IFT80: variants seen among roughly 807,000 people sequenced by gnomAD.
The protein encoded by IFT80 is intraflagellar transport protein 80 homolog.
A neutral mutation model predicts 107.9 loss-of-function variants in IFT80; 79 were observed. The observed-to-expected ratio is 0.73, with a 90% confidence interval of 0.61 to 0.88. The LOEUF is 0.88. IFT80 is among the 40% of genes least tolerant of loss of function. The pLI is 0.00. For synonymous variants in IFT80, 299 were observed against 300.9 expected (o/e 0.99, Z 0.07); for missense variants, 797 against 914.2 (o/e 0.87, Z 1.65).
chr3:160,260,821 C>T (rs1418567415), intron 19 of IFT80, among the ~76,000 whole-genome samples: 1 of 152,184 alleles, frequency 6.6e-6, no homozygotes, highest in Admixed American at 6.5e-5. Flanking sequence ...CAAAATCATA[C>T]CAAAAGGCTC....
intron 1 of IFT80, among the ~76,000 whole-genome samples, chr3:160,394,552 A>T (rs1417109487): frequency 1.3e-5 from 2 of 152,158 alleles, no homozygotes; most frequent in Admixed American, 6.5e-5. Flanking sequence ...GCTATGATTA[A>T]TAGCCATACT....
Position 160,356,132 on chromosome 3 carries a change from G to A in IFT80, c.658C>T (p.Arg220Cys), listed in dbSNP as rs373133351. 9.9e-6 allele frequency: 16 copies of A among 1,613,798 alleles called. No individual in the cohort carries two copies. The highest frequency in any genetic ancestry group is 6.6e-5 in the South Asian group (6 of 91,066). Residue 220 changes from arginine (R) to cysteine (C), a missense_variant, in exon 8 of 20, where the codon CGC (arginine) becomes TGC (cysteine). Transcript: ENST00000326448. ...TGAGGTTGTGAATTGTACAGTGGGC[G>A]GCCGTAACTATCCCATACCTACAAA... The part of the protein sequence containing the change: ...CKYKVWDSYG[R>C]PLYNSQPHEH...
intron 8 of IFT80, among the ~76,000 whole-genome samples, chr3:160,339,849 C>G (rs1719760239): frequency 6.6e-6 from 1 of 152,184 alleles, no homozygotes; most frequent in Admixed American, 6.5e-5. Context: ...CAATCAATTG[C>G]TGTTAGCTTT....
intron 4 of IFT80, among the ~76,000 whole-genome samples, chr3:160,376,367 T>C (rs1269228216): frequency 6.6e-6 from 1 of 152,214 alleles, no homozygotes; most frequent in Non-Finnish European, 1.5e-5. Flanking sequence ...GAGAGCTGTT[T>C]GTTAAGAGAG....
intron 1 of IFT80, among the ~76,000 whole-genome samples, chr3:160,395,781 C>T (rs1212159884): frequency 6.6e-6 from 1 of 152,194 alleles, no homozygotes; most frequent in East Asian, 1.9e-4. Flanking sequence ...TTGTCTGAAC[C>T]CTTAATCCAG....
At chr3:160,345,468 C>T (rs1720221230) in intron 8 of IFT80, among the ~76,000 whole-genome samples, 1 of 151,970 alleles carries the variant, frequency 6.6e-6, no homozygotes, top group East Asian at 1.9e-4. Context: ...GGGTGGATCG[C>T]TTAAGGTCAA....
intron 3 of IFT80, among the ~76,000 whole-genome samples, chr3:160,378,786 CA>C (rs1328788278): frequency 6.6e-6 from 1 of 151,586 alleles, no homozygotes; most frequent in Admixed American, 6.6e-5. Flanking sequence ...AATCTGACCC[CA>C]AAAAAACAAA....
At chr3:160,361,063 A>G (rs942507543) in intron 6 of IFT80, among the ~76,000 whole-genome samples, 9 of 152,366 alleles carry the variant, frequency 5.9e-5, no homozygotes, top group African/African-American at 1.7e-4. Flanking sequence ...AAATGCCCCA[A>G]TTAAAAGACA....
intron 8 of IFT80, among the ~76,000 whole-genome samples, chr3:160,326,549 C>A (rs1402644145): frequency 6.6e-6 from 1 of 152,074 alleles, no homozygotes; most frequent in African/African-American, 2.4e-5. Context: ...TGATTCATTA[C>A]ATAAACAGAA....
chr3:160,303,122 A>G (rs1716563405), intron 11 of IFT80, among the ~76,000 whole-genome samples: 1 of 152,204 alleles, frequency 6.6e-6, no homozygotes, highest in Non-Finnish European at 1.5e-5. Context: ...AGTTGCCTAC[A>G]TGATGAGGAA....
At chr3:160,328,996 G>A (rs1576818128) in intron 8 of IFT80, among the ~76,000 whole-genome samples, 1 of 152,186 alleles carries the variant, frequency 6.6e-6, no homozygotes, top group Admixed American at 6.5e-5. Flanking sequence ...CCTACTGGAG[G>A]GTGGAGGGTG....
At chr3:160,266,013 G>A (rs1170428616) in intron 19 of IFT80, among the ~76,000 whole-genome samples, 3 of 151,922 alleles carry the variant, frequency 2.0e-5, no homozygotes, top group Non-Finnish European at 4.4e-5. Flanking sequence ...TTATTTCATT[G>A]GTGGGAAATT....
intron 14 of IFT80, among the ~76,000 whole-genome samples, chr3:160,281,387 T>A (rs896830573): frequency 6.6e-6 from 1 of 152,060 alleles, no homozygotes; most frequent in African/African-American, 2.4e-5. Flanking sequence ...ATTTTCCCCA[T>A]AGAATTGGGG....
intron 12 of IFT80, among the ~76,000 whole-genome samples, chr3:160,292,826 C>T (rs967444962): frequency 6.6e-6 from 1 of 152,096 alleles, no homozygotes; most frequent in African/African-American, 2.4e-5. Context: ...CTTATATCAC[C>T]TTCTCCTACC....
intron 8 of IFT80, among the ~76,000 whole-genome samples, chr3:160,326,383 T>C (rs1718677684): frequency 6.6e-6 from 1 of 152,066 alleles, no homozygotes; most frequent in South Asian, 2.1e-4. Context: ...AAAAGAAAAC[T>C]TCAGGCCAAT....
rs1043268660 is a variant in IFT80, at chr3:160,381,583, A to G, written c.179T>C (p.Ile60Thr). The change falls in exon 3 of 20, where the codon ATT becomes ACT. Residue 60 changes from isoleucine to threonine, a missense_variant. Coordinates refer to ENST00000326448, the MANE Select transcript of IFT80 (RefSeq NM_020800.3). ...ACTTTTTGGAAACCAGTGAAAATCA[A>G]TAGGGTAAATATCATCAGGAAGCTT... ...IVKLPDDIYP[I>T]DFHWFPKSLG... The G allele has an allele frequency of 6.2e-7, 1 of 1,613,772 alleles. No individual in the cohort carries two copies. Among genetic ancestry groups the G allele is most frequent in the Non-Finnish European group, 8.5e-7 (1 of 1,179,944 alleles).
At chr3:160,372,566 G>A (rs1402355616) in intron 5 of IFT80, among the ~76,000 whole-genome samples, 2 of 152,176 alleles carry the variant, frequency 1.3e-5, no homozygotes, top group Non-Finnish European at 2.9e-5. Flanking sequence ...AAAATCAGAT[G>A]CATAGTTCTA....
intron 18 of IFT80, among the ~76,000 whole-genome samples, chr3:160,272,338 A>G (rs533225148): frequency 7.9e-5 from 12 of 152,274 alleles, no homozygotes; most frequent in Non-Finnish European, 1.6e-4. Flanking sequence ...ATGTTAAAAA[A>G]AATTTAGAGA....
At chr3:160,270,425 T>A (rs749596868) in intron 18 of IFT80, among the ~76,000 whole-genome samples, 1 of 152,260 alleles carries the variant, frequency 6.6e-6, no homozygotes, top group Non-Finnish European at 1.5e-5. Flanking sequence ...GCAAAAATTA[T>A]GAATGTAAGT....
Sources: gnomAD v4.1 joint callset for allele counts (sites outside exome capture counted in the v4.1 genomes callset) on GRCh38, gnomAD v4.1.1 for gene constraint, MANE v1.5 for transcripts, NCBI Gene and HGNC (gene_info 2026-07-23, HGNC 2026-07-21) for gene names.